LRCH1: variants seen among roughly 807,000 people sequenced by gnomAD.
LRCH1 encodes leucine-rich repeat and calponin homology domain-containing protein 1.
A neutral mutation model predicts 94.9 loss-of-function variants in LRCH1; 23 were observed. The ratio of observed to expected loss-of-function variants is 0.24; its 90% confidence interval spans 0.17 to 0.34. The LOEUF (loss-of-function observed/expected upper bound fraction) is 0.34, where lower values mean the gene tolerates loss of function less well. LRCH1 is among the 10% of genes least tolerant of loss of function. The pLI is 1.00. For missense variants in LRCH1, 790 were observed against 945.9 expected (o/e 0.84, Z 2.16); for synonymous variants, 364 against 354.9 (o/e 1.03, Z -0.29).
At chr13:46,580,700 G>A (rs193138890) in intron 1 of LRCH1, among the ~76,000 whole-genome samples, 5 of 152,316 alleles carry the variant, frequency 3.3e-5, no homozygotes, top group Admixed American at 1.3e-4. Context: ...TAGCAAAGAC[G>A]TAGTGGAGAA....
intron 1 of LRCH1, among the ~76,000 whole-genome samples, chr13:46,597,514 G>A (rs185477589): frequency 1.8e-3 from 274 of 152,072 alleles, no homozygotes; most frequent in Non-Finnish European, 3.1e-3. Context: ...CAGCCACCAC[G>A]CCCGGCTAAT....
At chr13:46,657,619 G>A (rs1008449260) in intron 2 of LRCH1, among the ~76,000 whole-genome samples, 1 of 130,072 alleles carries the variant, frequency 7.7e-6, no homozygotes, top group Non-Finnish European at 1.6e-5. Flanking sequence ...CGACCTCCCT[G>A]GGCTCAGGTG....
At chr13:46,654,491 TAGGATGCTGCA>T (rs1160740863) in intron 2 of LRCH1, among the ~76,000 whole-genome samples, 1 of 152,196 alleles carries the variant, frequency 6.6e-6, no homozygotes. Context: ...CACAGAGACT[TAGGATGCTGCA>T]AACACACCAC....
At chr13:46,663,619 A>G (rs2051477335) in intron 2 of LRCH1, among the ~76,000 whole-genome samples, 1 of 152,260 alleles carries the variant, frequency 6.6e-6, no homozygotes, top group Admixed American at 6.5e-5. Flanking sequence ...GGTATTCATA[A>G]AAGAGCATAA....
rs539572568 is a variant in LRCH1, at chr13:46,693,931, T to G, written c.1121-962T>G. Reference sequence around the variant, plus strand: ...TCTTATTCATGATAGGAGAGCTGTTTAAGTTCACTCAAACCTTAGTGTTGG... The same window carrying G: ...TCTTATTCATGATAGGAGAGCTGTTGAAGTTCACTCAAACCTTAGTGTTGG... On this transcript the variant is annotated intron_variant, in intron 8 of 19. Coordinates refer to ENST00000389797, the MANE Select transcript of LRCH1 (RefSeq NM_001164211.2). Among the ~76,000 whole-genome samples the G allele has an allele frequency of 2.8e-3, 421 of 152,176 alleles. 4 individuals are homozygous for G. Among genetic ancestry groups the G allele is most frequent in the African/African-American group, 0.01 (417 of 41,538 alleles).
intron 1 of LRCH1, among the ~76,000 whole-genome samples, chr13:46,589,205 T>A (rs961689200): frequency 1.3e-5 from 2 of 151,886 alleles, no homozygotes; most frequent in Non-Finnish European, 2.9e-5. Context: ...CCTGGCTAAT[T>A]TTAATTTTAT....
chr13:46,732,197 A>G (rs899116331), intron 18 of LRCH1, among the ~76,000 whole-genome samples: 2 of 152,230 alleles, frequency 1.3e-5, no homozygotes, highest in African/African-American at 4.8e-5. Context: ...TCATTCATGA[A>G]ACTAATATTG....
At chr13:46,583,183 C>T (rs528781303) in intron 1 of LRCH1, among the ~76,000 whole-genome samples, 1 of 152,162 alleles carries the variant, frequency 6.6e-6, no homozygotes, top group Non-Finnish European at 1.5e-5. Context: ...GTTACCAAAA[C>T]AAGTCGATTC....
In LRCH1 at chr13:46,742,106, T is replaced by C; in HGVS notation, c.*258T>C. On this transcript the variant is annotated 3_prime_UTR_variant, in exon 20 of 20. Transcript: ENST00000389797. ...TGTATGCACACCGCATGCTTCCTCA[T>C]CCACATAGTGCCAGCAGCAGTGCCA... The C allele has an allele frequency of 7.6e-7, 1 of 1,317,020 alleles. No individual in the cohort carries two copies. Among genetic ancestry groups the C allele is most frequent in the South Asian group, 1.7e-5 (1 of 58,334 alleles). The allele number at this position is 1,317,020 out of a possible 1,614,324, so 81.6% of individuals were successfully genotyped here.
At chr13:46,562,307 C>T (rs948540766) in intron 1 of LRCH1, among the ~76,000 whole-genome samples, 20 of 152,312 alleles carry the variant, frequency 1.3e-4, no homozygotes, top group African/African-American at 4.6e-4. Flanking sequence ...GCTTAGACAA[C>T]AGAAATTAAT....
intron 13 of LRCH1, among the ~76,000 whole-genome samples, chr13:46,710,036 T>G (rs1176938426): frequency 6.6e-6 from 1 of 152,220 alleles, no homozygotes; most frequent in Non-Finnish European, 1.5e-5. Context: ...CTATATTAAT[T>G]CACCAGTATT....
At chr13:46,707,781 C>T (rs1261770251) in intron 13 of LRCH1, among the ~76,000 whole-genome samples, 1 of 152,180 alleles carries the variant, frequency 6.6e-6, no homozygotes, top group African/African-American at 2.4e-5. Flanking sequence ...CATAAGTTAT[C>T]GTTATTTCAT....
intron 1 of LRCH1, among the ~76,000 whole-genome samples, chr13:46,616,297 C>T (rs888044865): frequency 3.3e-5 from 5 of 152,090 alleles, no homozygotes; most frequent in Non-Finnish European, 5.9e-5. Context: ...GAAACAGAGC[C>T]CTGTAAACTA....
chr13:46,658,684 T>C (rs535681818), intron 2 of LRCH1, among the ~76,000 whole-genome samples: 1 of 152,310 alleles, frequency 6.6e-6, no homozygotes, highest in South Asian at 2.1e-4. Flanking sequence ...TCTCGCTCTG[T>C]GGCCTAGGCT....
At chr13:46,596,366 AG>A (rs1424537353) in intron 1 of LRCH1, among the ~76,000 whole-genome samples, 1 of 152,210 alleles carries the variant, frequency 6.6e-6, no homozygotes, top group Non-Finnish European at 1.5e-5. Flanking sequence ...TATAAATCAA[AG>A]CATCTTTACT....
intron 1 of LRCH1, among the ~76,000 whole-genome samples, chr13:46,585,651 T>C (rs1437230960): frequency 4.6e-5 from 7 of 152,196 alleles, no homozygotes; most frequent in Non-Finnish European, 1.0e-4. Flanking sequence ...GAATATGCTT[T>C]ATGTAAATAT....
exon 19 of LRCH1, chr13:46,752,173 A>T (rs2138267096): frequency 6.6e-6 from 1 of 152,448 alleles, no homozygotes; most frequent in South Asian, 2.1e-4. Flanking sequence ...AGCCTTCTGC[A>T]GGCAGTTCCA....
chr13:46,748,105 G>A (rs776901387), downstream of LRCH1, among the ~76,000 whole-genome samples: 2 of 151,948 alleles, frequency 1.3e-5, no homozygotes. Context: ...TATTAATCGG[G>A]CTTGTTTTTT....
At chr13:46,585,572 CAAAAA>C (rs75737018) in intron 1 of LRCH1, among the ~76,000 whole-genome samples, 5 of 134,706 alleles carry the variant, frequency 3.7e-5, no homozygotes, top group Non-Finnish European at 6.4e-5. Flanking sequence ...AAAAAAAAAA[CAAAAA>C]AACGCATTTC....
Sources: allele counts gnomAD v4.1 joint callset (sites outside exome capture counted in the v4.1 genomes callset), GRCh38; gene constraint gnomAD v4.1.1; transcripts MANE v1.5; gene names NCBI Gene and HGNC (gene_info 2026-07-23, HGNC 2026-07-21).